The following SLC6A15 variants were observed in gnomAD, a reference collection of about 807,000 sequenced individuals.
SLC6A15 encodes the protein sodium-dependent neutral amino acid transporter B(0)AT2.
Under a neutral mutation model 68.5 loss-of-function variants are expected in SLC6A15, and 33 were observed. The ratio of observed to expected loss-of-function variants is 0.48; its 90% CI spans 0.37 to 0.64. SLC6A15 has a LOEUF of 0.64. Ranked by LOEUF, SLC6A15 falls within the 30% of genes least tolerant of loss-of-function variation. The pLI is 0.00. For synonymous variants in SLC6A15, 347 were observed against 301.0 expected, an observed-to-expected ratio of 1.15 and a Z score of -1.58; for missense variants, 747 against 874.3, an observed-to-expected ratio of 0.85 and a Z score of 1.84.
intron 8 of SLC6A15, among the ~76,000 whole-genome samples, chr12:84,871,611 T>C (rs919684842): frequency 6.6e-6 from 1 of 152,104 alleles, no homozygotes; most frequent in African/African-American, 2.4e-5. Context: ...ACATTAGTAA[T>C]TAATTAAATA....
intron 1 of SLC6A15, among the ~76,000 whole-genome samples, chr12:84,905,333 C>T (rs146499284): frequency 0.011 from 1,711 of 152,176 alleles, 38 homozygotes; most frequent in African/African-American, 0.039. Flanking sequence ...TCTACTGATG[C>T]AGGAAAGACA....
At chr12:84,899,553 TCCC>T (rs1872765491) in intron 1 of SLC6A15, among the ~76,000 whole-genome samples, 1 of 152,172 alleles carries the variant, frequency 6.6e-6, no homozygotes, top group Non-Finnish European at 1.5e-5. Context: ...TTGCCAAGCA[TCCC>T]ATTGTTTCTT....
In SLC6A15 at chr12:84,863,195, G is replaced by C. The variant is rs1468023359; in HGVS notation, c.1818+244C>G. Among the ~76,000 whole-genome samples the C allele has an allele frequency of 3.9e-5, 6 of 152,162 alleles. No homozygotes were observed. In the South Asian group the frequency reaches 6.2e-4, roughly 16 times the overall value. On this transcript the variant is annotated intron_variant, in intron 11 of 11. Transcript: ENST00000266682. ...ATAATTATTGGTTCATCAGTGTTAA[G>C]ATGGATATATCTGCTTTAATAAGGA...
chr12:84,911,044 G>A (rs369062693), intron 1 of SLC6A15, among the ~76,000 whole-genome samples: 9 of 152,138 alleles, frequency 5.9e-5, no homozygotes, highest in African/African-American at 2.2e-4. Context: ...TACAAGTCAA[G>A]CCCAGTACTG....
intron 6 of SLC6A15, among the ~76,000 whole-genome samples, chr12:84,875,212 A>G (rs1285062568): frequency 6.6e-6 from 1 of 151,792 alleles, no homozygotes; most frequent in African/African-American, 2.4e-5. Context: ...AATATTATAC[A>G]TATAAGTATT....
At position 84,860,654 on chromosome 12, in the gene SLC6A15, T is replaced by C. The variant is rs957424026; in HGVS notation, c.*978A>G. The C allele has an allele frequency of 6.6e-6, 1 of 152,136 alleles. No homozygotes were observed. Among genetic ancestry groups the C allele is most frequent in the African/African-American group, 2.4e-5 (1 of 41,450 alleles). 9.4% of individuals were successfully genotyped at this position (152,136 alleles called of 1,614,324 possible). ...AATCAATGTGAAAAACAAACATCAT[T>C]TTTAAACTTTGTTTATTTGTAGATT... is the stretch of plus-strand genomic sequence containing the variant. On this transcript the variant is annotated 3_prime_UTR_variant, in exon 12 of 12. Coordinates refer to ENST00000266682, the MANE Select transcript of SLC6A15 (RefSeq NM_182767.6).
intron 1 of SLC6A15, among the ~76,000 whole-genome samples, chr12:84,898,727 A>G (rs1048386855): frequency 1.3e-5 from 2 of 152,224 alleles, no homozygotes; most frequent in African/African-American, 2.4e-5. Context: ...CACTAAGACT[A>G]TAATATAACT....
chr12:84,880,520 C>T (rs114723736), intron 5 of SLC6A15, among the ~76,000 whole-genome samples: 2,568 of 152,264 alleles, frequency 0.017, 80 homozygotes, highest in African/African-American at 0.058. Context: ...AGGACAGGCA[C>T]ATTGTTTACC....
chr12:84,886,132 T>A, intron 2 of SLC6A15, 64 bp from the exon 3 acceptor site: 1 of 1,126,030 alleles, frequency 8.9e-7, no homozygotes, highest in Non-Finnish European at 1.3e-6. Context: ...ACTAGTTCAG[T>A]TTATCCCATT....
intron 1 of SLC6A15, among the ~76,000 whole-genome samples, chr12:84,896,452 C>T (rs527534192): frequency 6.6e-6 from 1 of 152,168 alleles, no homozygotes; most frequent in Non-Finnish European, 1.5e-5. Flanking sequence ...GCTACAACAA[C>T]AGAGTTATTG....
intron 8 of SLC6A15, among the ~76,000 whole-genome samples, chr12:84,871,370 A>C (rs1300461698): frequency 6.6e-6 from 1 of 151,824 alleles, no homozygotes; most frequent in Non-Finnish European, 1.5e-5. Context: ...GACACAATGA[A>C]TTTCCAGTCA....
intron 5 of SLC6A15, chr12:84,882,955 G>GCTA (rs1211409043): frequency 1.7e-5 from 15 of 871,116 alleles, no homozygotes; most frequent in Non-Finnish European, 2.1e-5. Flanking sequence ...TATTGCTGCT[G>GCTA]CTACTACTAC....
chr12:84,910,603 C>T (rs907321228), intron 1 of SLC6A15, among the ~76,000 whole-genome samples: 1 of 152,112 alleles, frequency 6.6e-6, no homozygotes, highest in Non-Finnish European at 1.5e-5. Context: ...GAGAAACATC[C>T]CGTCTAACCA....
chr12:84,880,916 A>G, intron 5 of SLC6A15: 1 of 977,262 alleles, frequency 1.0e-6, no homozygotes, highest in Non-Finnish European at 1.2e-6. Context: ...AAAATTCTGT[A>G]GCCCAGTTTT....
chr12:84,891,567 G>C (rs752980188), intron 2 of SLC6A15, among the ~76,000 whole-genome samples: 7 of 152,110 alleles, frequency 4.6e-5, no homozygotes, highest in Non-Finnish European at 8.8e-5. Flanking sequence ...GTTATTCAGA[G>C]TTGTTTAATA....
At chr12:84,911,617 C>A (rs1873467374) in intron 1 of SLC6A15, among the ~76,000 whole-genome samples, 1 of 152,326 alleles carries the variant, frequency 6.6e-6, no homozygotes, top group South Asian at 2.1e-4. Context: ...CTGGGTGGGT[C>A]ATGCCTGTTC....
intron 2 of SLC6A15, among the ~76,000 whole-genome samples, chr12:84,886,658 A>G (rs925430908): frequency 2.0e-5 from 3 of 151,632 alleles, no homozygotes; most frequent in Non-Finnish European, 4.4e-5. Flanking sequence ...ATACTACATA[A>G]AAGAAGTACA....
chr12:84,863,090 C>T (rs1480745181), intron 11 of SLC6A15, among the ~76,000 whole-genome samples: 1 of 152,124 alleles, frequency 6.6e-6, no homozygotes, highest in East Asian at 1.9e-4. Context: ...TGCACCTGGC[C>T]TGGGATACAA....
chr12:84,865,609 C>T lies in SLC6A15; in HGVS notation c.1655+1425G>A, dbSNP rs78589198. 2.8e-3 allele frequency among the ~76,000 whole-genome samples: 426 copies of T among 152,296 alleles called. 4 individuals carry two copies. The highest frequency in any genetic ancestry group is 9.7e-3 in the African/African-American group (404 of 41,566). ...ACTGCCCTAAACATTCTGTGCTCAGCGTATACATCCCTGGATCTGGCCCAA... is the reference window on the plus strand; with the variant it reads ...ACTGCCCTAAACATTCTGTGCTCAGTGTATACATCCCTGGATCTGGCCCAA... On this transcript the variant is annotated intron_variant, in intron 10 of 11. Transcript: ENST00000266682.
Sources: gnomAD v4.1 joint callset for allele counts (sites outside exome capture counted in the v4.1 genomes callset) on GRCh38, gnomAD v4.1.1 for gene constraint, MANE v1.5 for transcripts, NCBI Gene and HGNC (gene_info 2026-07-23, HGNC 2026-07-21) for gene names.